Variants in TIAM1 observed in about 807,000 individuals in gnomAD.
TIAM1 encodes rho guanine nucleotide exchange factor TIAM1.
Under a neutral mutation model 163.5 loss-of-function variants are expected in TIAM1, and 65 were observed. The observed-to-expected ratio is 0.40, with a 90% CI of 0.33 to 0.49. The LOEUF (loss-of-function observed/expected upper bound fraction) is 0.49. Ranked by LOEUF, TIAM1 falls within the 20% of genes least tolerant of loss-of-function variation. The probability of loss-of-function intolerance (pLI) is 0.77; values close to 1 mark genes in which losing one functional copy is unlikely to be tolerated. For synonymous variants in TIAM1, 833 were observed against 810.1 expected, an observed-to-expected ratio of 1.03 and a Z score of -0.48; for missense variants, 1,789 against 2,044.7, an observed-to-expected ratio of 0.87 and a Z score of 2.41.
At chr21:31,228,777 A>G (rs1408121747) in intron 6 of TIAM1, among the ~76,000 whole-genome samples, 2 of 152,238 alleles carry the variant, frequency 1.3e-5, no homozygotes, top group African/African-American at 4.8e-5. Flanking sequence ...TGGGTAATTT[A>G]TAAAGGAAAG....
intron 1 of TIAM1, among the ~76,000 whole-genome samples, chr21:31,529,122 T>C (rs970152258): frequency 6.6e-6 from 1 of 151,744 alleles, no homozygotes; most frequent in Non-Finnish European, 1.5e-5. Context: ...GGTTTCACCG[T>C]GTTAGCCAGG....
At chr21:31,157,921 T>C (rs920636543) in intron 16 of TIAM1, among the ~76,000 whole-genome samples, 2 of 152,232 alleles carry the variant, frequency 1.3e-5, no homozygotes, top group African/African-American at 4.8e-5. Flanking sequence ...CATGGGGATC[T>C]GACACATATC....
intron 17 of TIAM1, 86 bp downstream of exon 17, chr21:31,154,161 T>C: frequency 1.4e-6 from 2 of 1,415,468 alleles, no homozygotes; most frequent in Non-Finnish European, 1.9e-6. Context: ...ACAGTTTAAA[T>C]CAGCTGTTAA....
intron 13 of TIAM1, among the ~76,000 whole-genome samples, chr21:31,194,555 A>G (rs553794426): frequency 1.3e-5 from 2 of 152,318 alleles, no homozygotes; most frequent in South Asian, 4.1e-4. Context: ...ATTGTTGTGA[A>G]CTGAGTTCCT....
chr21:31,200,237 TGAGG>T, intron 12 of TIAM1, among the ~76,000 whole-genome samples: 1 of 152,084 alleles, frequency 6.6e-6, no homozygotes, highest in East Asian at 1.9e-4. Context: ...CTTGGGAGGC[TGAGG>T]CAGGAGAATT....
At chr21:31,279,507 A>C (rs1035216137) in intron 2 of TIAM1, among the ~76,000 whole-genome samples, 2 of 152,344 alleles carry the variant, frequency 1.3e-5, no homozygotes, top group Admixed American at 6.5e-5. Context: ...CAGTGTTGGG[A>C]GTCCAAGCTG....
intron 19 of TIAM1, among the ~76,000 whole-genome samples, chr21:31,151,998 G>A (rs1012985073): frequency 7.2e-6 from 1 of 138,836 alleles, no homozygotes; most frequent in Non-Finnish European, 1.6e-5. Flanking sequence ...AAATTAATTT[G>A]TTTACTGGGT....
intron 1 of TIAM1, among the ~76,000 whole-genome samples, chr21:31,482,013 C>T (rs2147397174): frequency 6.6e-6 from 1 of 150,450 alleles, no homozygotes; most frequent in South Asian, 2.1e-4. Flanking sequence ...TCCATCGCTC[C>T]AGAGATTCCA....
chr21:31,278,163 TGAAA>T (rs1472785601), intron 2 of TIAM1, among the ~76,000 whole-genome samples: 3 of 152,212 alleles, frequency 2.0e-5, no homozygotes, highest in Non-Finnish European at 4.4e-5. Context: ...AAGAAAATGC[TGAAA>T]GAGAGTAAAA....
chr21:31,279,529 G>A (rs538351371), intron 2 of TIAM1, among the ~76,000 whole-genome samples: 60 of 152,320 alleles, frequency 3.9e-4, no homozygotes, highest in African/African-American at 1.4e-3. Flanking sequence ...GAGTCGGGCT[G>A]CACGCATCCG....
At chr21:31,272,310 C>G (rs1238753748) in intron 3 of TIAM1, among the ~76,000 whole-genome samples, 1 of 152,004 alleles carries the variant, frequency 6.6e-6, no homozygotes, top group Admixed American at 6.6e-5. Context: ...TCAAACCACC[C>G]TAAGTTGGGG....
intron 15 of TIAM1, among the ~76,000 whole-genome samples, chr21:31,167,107 T>TTTG (rs1372374691): frequency 6.6e-6 from 1 of 150,712 alleles, no homozygotes; most frequent in East Asian, 1.9e-4. Flanking sequence ...TTTTTTTTTT[T>TTTG]TGAGATGGAG....
At chr21:31,553,739 G>A (rs1334751672) in intron 1 of TIAM1, among the ~76,000 whole-genome samples, 1 of 152,064 alleles carries the variant, frequency 6.6e-6, no homozygotes, top group East Asian at 1.9e-4. Flanking sequence ...AGGTTTTGCA[G>A]GTCAGACCCT....
Position 31,147,284 on chromosome 21 carries a change from G to A in TIAM1, c.3367-281C>T, listed in dbSNP as rs150940011. Among the ~76,000 whole-genome samples the A allele has an allele frequency of 2.1e-3, 313 of 152,118 alleles. 3 individuals are homozygous for A. The highest frequency in any genetic ancestry group is 6.1e-3 in the African/African-American group (253 of 41,490). On this transcript the variant is annotated intron_variant, in intron 19 of 27. Coordinates refer to ENST00000541036, the MANE Select transcript of TIAM1 (RefSeq NM_001353694.2). ...GTCTGTGTCTTTTAATAACCTATCC[G>A]GGCTGTTTGAATGTTGATGAGAAAG...
intron 20 of TIAM1, among the ~76,000 whole-genome samples, chr21:31,142,998 G>A (rs901944312): frequency 2.0e-5 from 3 of 152,190 alleles, no homozygotes; most frequent in South Asian, 2.1e-4. Context: ...GGGAAGAGGA[G>A]GGGACAGTGT....
chr21:31,504,105 G>A (rs2046952216), intron 1 of TIAM1, among the ~76,000 whole-genome samples: 1 of 152,190 alleles, frequency 6.6e-6, no homozygotes, highest in South Asian at 2.1e-4. Context: ...TGAAGCATGA[G>A]CGCTCTCCAA....
At chr21:31,523,503 A>T (rs1186904733) in intron 1 of TIAM1, among the ~76,000 whole-genome samples, 1 of 152,216 alleles carries the variant, frequency 6.6e-6, no homozygotes, top group Non-Finnish European at 1.5e-5. Flanking sequence ...AAATAGCAAA[A>T]GCTCCCAGAC....
At chr21:31,365,394 T>C (rs954743228) in intron 2 of TIAM1, among the ~76,000 whole-genome samples, 3 of 148,704 alleles carry the variant, frequency 2.0e-5, no homozygotes, top group African/African-American at 7.4e-5. Flanking sequence ...TTTCTTTTTT[T>C]TTTTTTTTTT....
intron 2 of TIAM1, among the ~76,000 whole-genome samples, chr21:31,415,227 T>C (rs559350418): frequency 6.6e-6 from 1 of 152,314 alleles, no homozygotes; most frequent in African/African-American, 2.4e-5. Context: ...TAGCACAAGG[T>C]CAGGAATCCT....
Sources: gnomAD v4.1 joint callset for allele counts (sites outside exome capture counted in the v4.1 genomes callset) on GRCh38, gnomAD v4.1.1 for gene constraint, MANE v1.5 for transcripts, NCBI Gene and HGNC (gene_info 2026-07-23, HGNC 2026-07-21) for gene names.